ESR1: variants seen among roughly 807,000 people sequenced by gnomAD.
The protein encoded by ESR1 is estrogen receptor 1.
Under a neutral mutation model 52.7 loss-of-function variants are expected in ESR1, and 12 were observed. The observed-to-expected ratio is 0.23, with a 90% CI of 0.15 to 0.37. ESR1 has a LOEUF of 0.37. Among genes scored for constraint, ESR1 ranks in the 10% least tolerant of loss-of-function variants. The pLI, the probability that ESR1 is intolerant of heterozygous loss-of-function variation, is 1.00. For missense variants in ESR1, 584 were observed against 779.7 expected, an observed-to-expected ratio of 0.75 and a Z score of 2.99; for synonymous variants, 305 against 316.8, an observed-to-expected ratio of 0.96 and a Z score of 0.39.
intron 2 of ESR1, among the ~76,000 whole-genome samples, chr6:151,760,841 T>C (rs565097928): frequency 6.6e-6 from 1 of 152,382 alleles, no homozygotes; most frequent in Non-Finnish European, 1.5e-5. Flanking sequence ...ACTGTTACTA[T>C]GATAAGATGT....
At chr6:151,804,159 A>C (rs1047545557), upstream of ESR1, among the ~76,000 whole-genome samples, 1 of 152,288 alleles carries the variant, frequency 6.6e-6, no homozygotes, top group South Asian at 2.1e-4. Context: ...TTTCCCACCC[A>C]TGCTCACCAA....
Position 152,123,628 on chromosome 6 carries a change from A to T in ESR1, c.851-1638A>T, listed in dbSNP as rs139054365. 7.6e-3 allele frequency among the ~76,000 whole-genome samples: 1,164 copies of T among 152,320 alleles called. 21 individuals are homozygous for T. The highest frequency in any genetic ancestry group is 0.026 in the African/African-American group (1,093 of 41,566). ...CTTTTTTTGGTTACTAGCAGAAAAG[A>T]TGAAGAAAGAAATGTTGTTTACGAC... On this transcript the variant is annotated intron_variant, in intron 6 of 6. Transcript: ENST00000427531.
chr6:151,699,188 G>A (rs1250592469), intron 1 of ESR1, among the ~76,000 whole-genome samples: 1 of 152,138 alleles, frequency 6.6e-6, no homozygotes, highest in African/African-American at 2.4e-5. Flanking sequence ...ACTTGGAATA[G>A]AAGTGAAATT....
chr6:151,827,953 A>C (rs1176602869), intron 1 of ESR1, among the ~76,000 whole-genome samples: 1 of 152,226 alleles, frequency 6.6e-6, no homozygotes, highest in Admixed American at 6.5e-5. Flanking sequence ...CAGCTAGAGA[A>C]AATGCTATTA....
intron 2 of ESR1, among the ~76,000 whole-genome samples, chr6:151,868,914 G>C (rs867146819): frequency 1.3e-5 from 2 of 152,172 alleles, no homozygotes; most frequent in Non-Finnish European, 2.9e-5. Flanking sequence ...GGTCGAAAGT[G>C]TACAAGGGAA....
At chr6:151,679,013 G>T (rs540640391) in intron 1 of ESR1, among the ~76,000 whole-genome samples, 1 of 152,254 alleles carries the variant, frequency 6.6e-6, no homozygotes, top group African/African-American at 2.4e-5. Flanking sequence ...CTCTCAGTAG[G>T]CCTCCTCTTC....
chr6:151,678,049 T>G (rs1008126249), intron 1 of ESR1, among the ~76,000 whole-genome samples: 1 of 152,168 alleles, frequency 6.6e-6, no homozygotes, highest in African/African-American at 2.4e-5. Flanking sequence ...TTTGGTTTGA[T>G]TATAGGTGTG....
intron 1 of ESR1, among the ~76,000 whole-genome samples, chr6:151,695,542 C>G (rs1302780062): frequency 6.6e-6 from 1 of 152,180 alleles, no homozygotes; most frequent in African/African-American, 2.4e-5. Flanking sequence ...AAACATACCT[C>G]CTCCCCTAGA....
At position 152,110,395 on chromosome 6, in the gene ESR1, A is replaced by C. The variant is rs186527846; in HGVS notation, c.851-14871A>C. Among the ~76,000 whole-genome samples, 385 of 152,354 alleles carry C rather than the reference A, an allele frequency of 2.5e-3. 3 individuals carry two copies. The highest frequency in any genetic ancestry group is 4.4e-3 in the Non-Finnish European group (299 of 68,038). On this transcript the variant is annotated intron_variant, in intron 6 of 6. Transcript: ENST00000427531. ...TCTGCAGGAACATGGATGGCGCTGG[A>C]GGCCATTATCCTTAGCAAACTAATG... is the stretch of plus-strand genomic sequence containing the variant.
chr6:151,845,616 G>A (rs547969357), intron 2 of ESR1, among the ~76,000 whole-genome samples: 6 of 151,968 alleles, frequency 3.9e-5, no homozygotes, highest in Non-Finnish European at 5.9e-5. Context: ...ACCTCTTATC[G>A]CCGTCTTGTA....
At chr6:151,936,629 C>T (rs1211816340) in intron 3 of ESR1, among the ~76,000 whole-genome samples, 2 of 152,162 alleles carry the variant, frequency 1.3e-5, no homozygotes, top group Non-Finnish European at 2.9e-5. Context: ...CTACATTTAC[C>T]TTCCCACCAG....
At chr6:151,759,780 A>C (rs765068325) in intron 2 of ESR1, among the ~76,000 whole-genome samples, 9 of 152,180 alleles carry the variant, frequency 5.9e-5, no homozygotes, top group Non-Finnish European at 7.4e-5. Flanking sequence ...TGGCATACCC[A>C]AGAAGGAACA....
chr6:152,008,606 T>TTTTC (rs2042518006), intron 4 of ESR1, among the ~76,000 whole-genome samples: 1 of 152,042 alleles, frequency 6.6e-6, no homozygotes, highest in Non-Finnish European at 1.5e-5. Flanking sequence ...GGGCCTTTGG[T>TTTTC]TTTCCATATT....
Position 152,098,025 on chromosome 6 carries a change from G to A in ESR1, c.1554-707G>A, listed in dbSNP as rs565461379. On this transcript the variant is annotated intron_variant, in intron 7 of 7. Transcript: ENST00000206249. This position sits in a 1 kb window ranked among gnomAD's most constrained non-coding sequence, Gnocchi z 5.1. The stretch of plus-strand genomic sequence containing the variant: ...GGTAGCGGTAGGCCTTTCCGAGGAG[G>A]CGGCATTTGAAGACCGGAGGAAGGT... Among the ~76,000 whole-genome samples the A allele has an allele frequency of 3.3e-5, 5 of 152,336 alleles. No homozygotes were observed. The highest frequency in any genetic ancestry group is 1.2e-4 in the African/African-American group (5 of 41,572).
chr6:151,922,904 G>A (rs1455055623), intron 3 of ESR1, among the ~76,000 whole-genome samples: 2 of 152,126 alleles, frequency 1.3e-5, no homozygotes, highest in East Asian at 3.9e-4. Flanking sequence ...AGTACCTACT[G>A]ATGTCTCCAA....
At chr6:152,107,709 G>A (rs2051082963), downstream of ESR1, among the ~76,000 whole-genome samples, 1 of 152,034 alleles carries the variant, frequency 6.6e-6, no homozygotes. Flanking sequence ...ATACCCTATT[G>A]TAGCAACTCT....
intron 2 of ESR1, among the ~76,000 whole-genome samples, chr6:151,766,030 G>A (rs929834014): frequency 2.2e-4 from 33 of 152,140 alleles, no homozygotes; most frequent in Admixed American, 1.0e-3. Flanking sequence ...ATGTTTTCAT[G>A]TTCCACTGGA....
At chr6:152,000,119 T>A (rs1268056667) in intron 4 of ESR1, among the ~76,000 whole-genome samples, 4 of 152,076 alleles carry the variant, frequency 2.6e-5, no homozygotes. Flanking sequence ...ATGTGATAGA[T>A]ACTTTTTATA....
chr6:151,822,668 A>G (rs1042304164), intron 1 of ESR1, among the ~76,000 whole-genome samples: 4 of 152,194 alleles, frequency 2.6e-5, no homozygotes, highest in African/African-American at 9.7e-5. Context: ...GAGAAATGAA[A>G]GCTGCACGCC....
Sources: gnomAD v4.1 joint callset for allele counts (sites outside exome capture counted in the v4.1 genomes callset) on GRCh38, gnomAD v4.1.1 for gene constraint, Gnocchi (gnomAD v3.1) non-coding constraint, MANE v1.5 for transcripts, NCBI Gene and HGNC (gene_info 2026-07-23, HGNC 2026-07-21) for gene names.